PDZD2: variants seen among roughly 807,000 people sequenced by gnomAD.
PDZD2 encodes the protein PDZ domain containing 2, also known as PDZ domain-containing protein 2.
In PDZD2, 90 loss-of-function variants were observed where a neutral mutation model predicts 220.7. That is an observed-to-expected ratio of 0.41 (90% CI 0.34 to 0.49). The LOEUF (loss-of-function observed/expected upper bound fraction) is 0.49, where lower values mean the gene tolerates loss of function less well. Ranked by LOEUF, PDZD2 falls within the 20% of genes least tolerant of loss-of-function variation. The probability of loss-of-function intolerance (pLI) is 0.28; values close to 1 mark genes in which losing one functional copy is unlikely to be tolerated. For synonymous variants in PDZD2, 1,375 were observed against 1,450.5 expected (o/e 0.95, Z 1.18); for missense variants, 3,174 against 3,608.5 (o/e 0.88, Z 3.08).
chr5:32,028,740 T>C (rs1754894105), intron 6 of PDZD2, among the ~76,000 whole-genome samples: 1 of 150,420 alleles, frequency 6.6e-6, no homozygotes, highest in African/African-American at 2.4e-5. Flanking sequence ...TGGAGTGCAG[T>C]GGCACAACCT....
chr5:32,013,121 C>T (rs780840855), intron 6 of PDZD2, among the ~76,000 whole-genome samples: 4 of 151,828 alleles, frequency 2.6e-5, no homozygotes, highest in African/African-American at 2.4e-5. Flanking sequence ...GCTTATGAAA[C>T]GCTATGGTCT....
chr5:31,886,265 T>C (rs1182773305), intron 2 of PDZD2, among the ~76,000 whole-genome samples: 1 of 152,184 alleles, frequency 6.6e-6, no homozygotes, highest in Non-Finnish European at 1.5e-5. Context: ...CAATTAACAA[T>C]GCATTTGTTT....
At chr5:31,796,530 T>G (rs989577843) in intron 1 of PDZD2, among the ~76,000 whole-genome samples, 1 of 152,104 alleles carries the variant, frequency 6.6e-6, no homozygotes, top group South Asian at 2.1e-4. Context: ...ACTAGGACTC[T>G]TTCAGAGTCG....
At position 32,058,043 on chromosome 5, in the gene PDZD2, C is replaced by T; in HGVS notation, c.2140C>T (p.Leu714=). The T allele has an allele frequency of 6.2e-7, 1 of 1,612,854 alleles. No homozygotes were observed. The highest frequency in any genetic ancestry group is 8.5e-7 in the Non-Finnish European group (1 of 1,178,926). Reference sequence around the variant, plus strand: ...TTCCGATGAAGGCAGTTCTTCATCCCTGGGTCGGAAGACCCCTGGGCCCAA... The same window carrying T: ...TTCCGATGAAGGCAGTTCTTCATCCTTGGGTCGGAAGACCCCTGGGCCCAA... ...GGSDEGSSSS[L]GRKTPGPKDR... is the part of the protein sequence containing the mutation. Residue 714 remains leucine, a synonymous_variant, in exon 12 of 25, where the codon CTG becomes TTG. Transcript: ENST00000438447.
chr5:31,813,954 G>A (rs1043130052), intron 2 of PDZD2, among the ~76,000 whole-genome samples: 4 of 152,274 alleles, frequency 2.6e-5, no homozygotes, highest in African/African-American at 7.2e-5. Flanking sequence ...GATCACTTGA[G>A]CCCAAGAGTT....
intron 1 of PDZD2, among the ~76,000 whole-genome samples, chr5:31,723,680 C>T (rs994629338): frequency 8.5e-5 from 13 of 152,118 alleles, no homozygotes; most frequent in South Asian, 2.1e-4. Context: ...TGCAATGGCG[C>T]GATCTTGGCT....
At chr5:31,985,238 G>A (rs1296038981) in intron 3 of PDZD2, among the ~76,000 whole-genome samples, 1 of 152,042 alleles carries the variant, frequency 6.6e-6, no homozygotes, top group Non-Finnish European at 1.5e-5. Flanking sequence ...TGATTAGATT[G>A]TGCATACACA....
intron 2 of PDZD2, among the ~76,000 whole-genome samples, chr5:31,800,398 T>G (rs1446990013): frequency 6.6e-6 from 1 of 152,202 alleles, no homozygotes; most frequent in African/African-American, 2.4e-5. Context: ...CACTCAAATC[T>G]TGGTGTCCAA....
chr5:32,010,499 T>A lies in PDZD2; in HGVS notation c.1407+17T>A. Reference sequence around the variant, plus strand: ...CAGAGAGCAGTAAGTGGCTCTGTGCTCCTGGCTTTCTGTTGGAATTACTTT... The same window carrying A: ...CAGAGAGCAGTAAGTGGCTCTGTGCACCTGGCTTTCTGTTGGAATTACTTT... On this transcript the variant is annotated intron_variant, in intron 6 of 24. Coordinates refer to ENST00000438447, the MANE Select transcript of PDZD2 (RefSeq NM_178140.4). 1 of 1,588,818 alleles carries A rather than the reference T, an allele frequency of 6.3e-7. No homozygotes were observed. The highest frequency in any genetic ancestry group is 8.6e-7 in the Non-Finnish European group (1 of 1,160,132).
At chr5:31,849,869 TACATATATATATATATATAC>T (rs1757814387) in intron 2 of PDZD2, among the ~76,000 whole-genome samples, 1 of 61,636 alleles carries the variant, frequency 1.6e-5, no homozygotes, top group Admixed American at 1.8e-4. Context: ...CATATATATA[TACATATATATATATATATAC>T]ACATATATAT....
chr5:31,810,282 A>G (rs149694331), intron 2 of PDZD2, among the ~76,000 whole-genome samples: 3,627 of 107,384 alleles, frequency 0.034, 150 homozygotes, highest in African/African-American at 0.11. Flanking sequence ...TTTTTTTTTG[A>G]GACGGAGTCT....
chr5:31,994,273 G>A (rs1036086256), intron 3 of PDZD2, among the ~76,000 whole-genome samples: 4 of 151,336 alleles, frequency 2.6e-5, no homozygotes, highest in African/African-American at 7.3e-5. Context: ...TCCTCAAAGT[G>A]CTGGGATTAC....
chr5:31,768,988 G>A (rs980886294), intron 1 of PDZD2, among the ~76,000 whole-genome samples: 2 of 152,226 alleles, frequency 1.3e-5, no homozygotes, highest in African/African-American at 2.4e-5. Context: ...GCCCCCAGGT[G>A]TCAGTAAATT....
chr5:32,080,973 G>A (rs1741887619), intron 19 of PDZD2, among the ~76,000 whole-genome samples: 1 of 151,986 alleles, frequency 6.6e-6, no homozygotes, highest in Admixed American at 6.6e-5. Context: ...AATGCATGCA[G>A]GGCTTAATAC....
intron 2 of PDZD2, among the ~76,000 whole-genome samples, chr5:31,943,064 G>A (rs762432948): frequency 3.9e-5 from 6 of 152,112 alleles, no homozygotes; most frequent in South Asian, 4.1e-4. Flanking sequence ...TCAGCTGGGC[G>A]TGGTGGCACG....
chr5:32,079,412 C>T (rs532653318), intron 19 of PDZD2, among the ~76,000 whole-genome samples: 6 of 151,908 alleles, frequency 3.9e-5, no homozygotes, highest in South Asian at 2.1e-4. Flanking sequence ...CCGCAACTGT[C>T]GGCTGGTTGT....
intron 2 of PDZD2, among the ~76,000 whole-genome samples, chr5:31,837,772 A>G (rs1281431170): frequency 6.6e-6 from 1 of 151,962 alleles, no homozygotes; most frequent in Non-Finnish European, 1.5e-5. Flanking sequence ...CTGTAGTGCC[A>G]GCTGCTTGTG....
At chr5:31,840,439 TATA>T (rs1561499366) in intron 2 of PDZD2, 1,086 of 96,072 alleles carry the variant, frequency 0.011, 79 homozygotes, top group South Asian at 0.016. Context: ...TATATATATA[TATA>T]TATATATTTG....
chr5:31,793,257 T>C (rs1226480840), intron 1 of PDZD2, among the ~76,000 whole-genome samples: 1 of 91,338 alleles, frequency 1.1e-5, no homozygotes, highest in Non-Finnish European at 2.0e-5. Flanking sequence ...GATTGTGGGG[T>C]GGGGGGTGGG....
Sources: allele counts gnomAD v4.1 joint callset (sites outside exome capture counted in the v4.1 genomes callset), GRCh38; gene constraint gnomAD v4.1.1; transcripts MANE v1.5; gene names NCBI Gene and HGNC (gene_info 2026-07-23, HGNC 2026-07-21).